Variants in ANKRD55 observed in about 807,000 individuals in gnomAD.
The protein encoded by ANKRD55 is ankyrin repeat domain 55.
A neutral mutation model predicts 60.6 loss-of-function variants in ANKRD55; 41 were observed. The observed-to-expected ratio is 0.68, with a 90% CI of 0.53 to 0.88. The LOEUF is 0.88. Ranked by LOEUF, ANKRD55 falls within the 40% of genes least tolerant of loss-of-function variation. The probability of loss-of-function intolerance (pLI) is 0.00; values close to 1 mark genes in which losing one functional copy is unlikely to be tolerated. For synonymous variants in ANKRD55, 264 were observed against 290.3 expected (o/e 0.91, Z 0.92); for missense variants, 732 against 767.6 (o/e 0.95, Z 0.55).
chr5:56,226,592 AC>A (rs1481878294), intron 2 of ANKRD55, among the ~76,000 whole-genome samples: 1 of 152,240 alleles, frequency 6.6e-6, no homozygotes, highest in Non-Finnish European at 1.5e-5. Context: ...TACTCATCTG[AC>A]GAAGGGCTAA....
At chr5:56,199,803 A>G (rs1759321008) in intron 2 of ANKRD55, among the ~76,000 whole-genome samples, 1 of 151,056 alleles carries the variant, frequency 6.6e-6, no homozygotes, top group South Asian at 2.1e-4. Context: ...AGGCAGGAGA[A>G]TGGCATGAAC....
In ANKRD55 at chr5:56,111,640, A is replaced by ATCGG. The variant is rs771066868; in HGVS notation, c.1104_1107dup (p.Tyr370ProfsTer12). 4 of 1,554,604 alleles carry ATCGG rather than the reference A, an allele frequency of 2.6e-6. No individual in the cohort carries two copies. Among genetic ancestry groups the ATCGG allele is most frequent in the Non-Finnish European group, 3.5e-6 (4 of 1,155,954 alleles). ...ACTTCTGAGGTGTCCTCCTCTCTGT[A>ATCGG]TCGGTCCCTGCTGGGATCCTTCTGA... On this transcript the variant is annotated frameshift_variant, in exon 10 of 12. Transcript: ENST00000341048. LOFTEE classifies it high-confidence loss of function.
At position 56,186,680 on chromosome 5, in the gene ANKRD55, G is replaced by A. The variant is rs7707834; in HGVS notation, c.59-3046C>T. Among the ~76,000 whole-genome samples, 743 of 152,298 alleles carry A rather than the reference G, an allele frequency of 4.9e-3. 3 individuals are homozygous for A. The highest frequency in any genetic ancestry group is 0.017 in the African/African-American group (723 of 41,556). On this transcript the variant is annotated intron_variant, in intron 2 of 11. Coordinates refer to ENST00000341048, the MANE Select transcript of ANKRD55 (RefSeq NM_024669.3). The stretch of plus-strand genomic sequence containing the variant: ...GCATTAGAAATCTGGGACATGTAGA[G>A]AAAATAGTCTCTTGTTGATGATGAT...
At chr5:56,194,603 A>G (rs2111848253) in intron 2 of ANKRD55, among the ~76,000 whole-genome samples, 1 of 152,306 alleles carries the variant, frequency 6.6e-6, no homozygotes, top group South Asian at 2.1e-4. Context: ...TCTAATTAGT[A>G]ATCCTTTACT....
At chr5:56,102,346 T>A in intron 11 of ANKRD55, 148 bp downstream of exon 11, 1 of 459,264 alleles carries the variant, frequency 2.2e-6, no homozygotes, top group Non-Finnish European at 3.8e-6. Flanking sequence ...GCTGAGATCA[T>A]GTTCATTGCA....
chr5:56,230,383 C>G (rs1307502840), intron 2 of ANKRD55, among the ~76,000 whole-genome samples: 1 of 152,176 alleles, frequency 6.6e-6, no homozygotes, highest in South Asian at 2.1e-4. Flanking sequence ...GTGAGCCTTG[C>G]GCCCGGCCCA....
At chr5:56,231,150 C>G (rs1008521370) in intron 2 of ANKRD55, among the ~76,000 whole-genome samples, 1 of 152,148 alleles carries the variant, frequency 6.6e-6, no homozygotes, top group Admixed American at 6.6e-5. Flanking sequence ...ATCCCATGCT[C>G]TTTCCATCAT....
At chr5:56,162,508 C>T (rs1371368775) in intron 5 of ANKRD55, among the ~76,000 whole-genome samples, 5 of 152,180 alleles carry the variant, frequency 3.3e-5, no homozygotes, top group Non-Finnish European at 5.9e-5. Context: ...CCCTCTCCTA[C>T]AGCTAAGCTA....
chr5:56,110,974 T>G, intron 10 of ANKRD55, 144 bp downstream of exon 10: 1 of 921,398 alleles, frequency 1.1e-6, no homozygotes, highest in Non-Finnish European at 1.6e-6. Context: ...CCAGTGCACT[T>G]TGGGAGAAAA....
intron 2 of ANKRD55, among the ~76,000 whole-genome samples, chr5:56,217,722 A>G (rs569384024): frequency 5.9e-5 from 9 of 152,114 alleles, no homozygotes; most frequent in East Asian, 1.9e-4. Context: ...GTGAAACCCC[A>G]TCTCTACTAA....
intron 7 of ANKRD55, among the ~76,000 whole-genome samples, chr5:56,132,483 C>G (rs990407601): frequency 5.4e-5 from 8 of 147,602 alleles, no homozygotes; most frequent in African/African-American, 2.0e-4. Flanking sequence ...CCCAACTACT[C>G]AGGAGGCTGA....
intron 8 of ANKRD55, among the ~76,000 whole-genome samples, chr5:56,126,007 G>C (rs1418991843): frequency 6.6e-6 from 1 of 152,110 alleles, no homozygotes; most frequent in African/African-American, 2.4e-5. Flanking sequence ...GGTGGCAGGA[G>C]CCTGTAGTTC....
intron 11 of ANKRD55, 125 bp downstream of exon 11, chr5:56,102,369 C>T (rs531132728): frequency 8.0e-5 from 47 of 586,308 alleles, no homozygotes; most frequent in African/African-American, 6.1e-4. Flanking sequence ...CTAGCCGGGG[C>T]GACAGCGCAA....
chr5:56,159,124 T>C (rs1208529024), intron 6 of ANKRD55, among the ~76,000 whole-genome samples: 1 of 152,168 alleles, frequency 6.6e-6, no homozygotes, highest in Non-Finnish European at 1.5e-5. Flanking sequence ...CTGTGACCAC[T>C]GGCACGCGCC....
At chr5:56,181,854 C>A (rs1023145878) in intron 3 of ANKRD55, among the ~76,000 whole-genome samples, 13 of 152,172 alleles carry the variant, frequency 8.5e-5, no homozygotes, top group African/African-American at 2.2e-4. Flanking sequence ...CTCGGCCTCC[C>A]GAAGTGTTGG....
chr5:56,199,763 C>CAT (rs1759319613), intron 2 of ANKRD55, among the ~76,000 whole-genome samples: 1 of 151,514 alleles, frequency 6.6e-6, no homozygotes, highest in Non-Finnish European at 1.5e-5. Context: ...TGGTGGCGGG[C>CAT]GCCTGTAGTC....
chr5:56,158,482 A>T (rs1758250017), intron 6 of ANKRD55, among the ~76,000 whole-genome samples: 1 of 152,224 alleles, frequency 6.6e-6, no homozygotes, highest in African/African-American at 2.4e-5. Context: ...AAGCAGATCT[A>T]ACAAGACTCT....
intron 2 of ANKRD55, among the ~76,000 whole-genome samples, chr5:56,227,613 A>G (rs1760152441): frequency 8.0e-6 from 1 of 125,102 alleles, no homozygotes; most frequent in Non-Finnish European, 1.7e-5. Context: ...TTTTCCATTG[A>G]TGTCTTTTTT....
intron 9 of ANKRD55, among the ~76,000 whole-genome samples, chr5:56,112,511 A>AAAAAAAAAAAAAAAAAAAAAC: frequency 3.7e-5 from 3 of 81,528 alleles, no homozygotes; most frequent in African/African-American, 1.6e-4. Context: ...TAGCAAAAAA[A>AAAAAAAAAAAAAAAAAAAAAC]AAAAAAAAAA....
Sources: allele counts gnomAD v4.1 joint callset (sites outside exome capture counted in the v4.1 genomes callset), GRCh38; gene constraint gnomAD v4.1.1; transcripts MANE v1.5; gene names NCBI Gene and HGNC (gene_info 2026-07-23, HGNC 2026-07-21).